The following WDR7 variants were observed in gnomAD, a reference collection of about 807,000 sequenced individuals.
WDR7 encodes WD repeat-containing protein 7.
In WDR7, 46 loss-of-function variants were observed where a neutral mutation model predicts 169.4. That is an observed-to-expected ratio of 0.27 (90% CI 0.21 to 0.35). WDR7 has a LOEUF of 0.35. Among genes scored for constraint, WDR7 ranks in the 10% least tolerant of loss-of-function variants. The pLI, the probability that WDR7 is intolerant of heterozygous loss-of-function variation, is 1.00. For missense variants in WDR7, 1,534 were observed against 1,859.3 expected, an observed-to-expected ratio of 0.83 and a Z score of 3.22; for synonymous variants, 612 against 666.8, an observed-to-expected ratio of 0.92 and a Z score of 1.27.
chr18:56,809,965 C>G (rs980183775), intron 19 of WDR7, among the ~76,000 whole-genome samples: 1 of 152,108 alleles, frequency 6.6e-6, no homozygotes, highest in Non-Finnish European at 1.5e-5. Flanking sequence ...TAACCCCTGG[C>G]AACCACTGAT....
intron 14 of WDR7, among the ~76,000 whole-genome samples, chr18:56,755,119 A>G (rs948128544): frequency 6.7e-6 from 1 of 149,012 alleles, no homozygotes; most frequent in Non-Finnish European, 1.5e-5. Context: ...TTTTGGCAAT[A>G]GTATTATTGC....
chr18:56,855,867 G>A (rs192725024), intron 20 of WDR7, among the ~76,000 whole-genome samples: 26 of 152,176 alleles, frequency 1.7e-4, no homozygotes, highest in Non-Finnish European at 2.8e-4. Flanking sequence ...TTCCACTTGT[G>A]CACCTGTTTC....
chr18:56,931,996 G>A (rs2046892281), intron 22 of WDR7, among the ~76,000 whole-genome samples: 1 of 152,100 alleles, frequency 6.6e-6, no homozygotes, highest in Non-Finnish European at 1.5e-5. Context: ...GGTAGAGAAG[G>A]CTACTTTTAA....
chr18:56,724,730 C>T (rs1266131132), intron 13 of WDR7, among the ~76,000 whole-genome samples: 1 of 151,356 alleles, frequency 6.6e-6, no homozygotes, highest in Non-Finnish European at 1.5e-5. Flanking sequence ...ATACATGTGC[C>T]ATGTTGGTGT....
chr18:56,793,278 A>T (rs1838741383), intron 19 of WDR7, among the ~76,000 whole-genome samples: 1 of 152,234 alleles, frequency 6.6e-6, no homozygotes, highest in South Asian at 2.1e-4. Context: ...ATTTGTTCTT[A>T]TATAACTGTC....
chr18:56,843,019 C>T (rs1382458642), intron 20 of WDR7, among the ~76,000 whole-genome samples: 1 of 152,034 alleles, frequency 6.6e-6, no homozygotes, highest in African/African-American at 2.4e-5. Context: ...TAAACTAGTG[C>T]TATAAGCAGC....
intron 16 of WDR7, among the ~76,000 whole-genome samples, chr18:56,763,069 T>A (rs1282543106): frequency 9.9e-5 from 15 of 152,068 alleles, no homozygotes. Flanking sequence ...CATGCTATTC[T>A]CCTGCCTCAG....
intron 19 of WDR7, among the ~76,000 whole-genome samples, chr18:56,808,092 G>A (rs956230121): frequency 3.3e-5 from 5 of 152,164 alleles, no homozygotes; most frequent in South Asian, 4.1e-4. Flanking sequence ...CTAGGGAACC[G>A]GCTGTGGATC....
chr18:57,010,470 TTA>T (rs2048121026), intron 26 of WDR7, among the ~76,000 whole-genome samples: 1 of 152,204 alleles, frequency 6.6e-6, no homozygotes, highest in Non-Finnish European at 1.5e-5. Flanking sequence ...ATGTTTTCAT[TTA>T]TGTCTTTAGG....
At chr18:56,753,704 G>A (rs907072201) in intron 14 of WDR7, among the ~76,000 whole-genome samples, 4 of 151,474 alleles carry the variant, frequency 2.6e-5, no homozygotes, top group Non-Finnish European at 5.9e-5. Flanking sequence ...GAATAATAGG[G>A]TGTCGATGGA....
Position 56,723,167 on chromosome 18 carries a change from C to T in WDR7, c.1774+5008C>T, listed in dbSNP as rs187075869. Reference sequence around the variant, plus strand: ...TTGCTAGTGTCATCCATATTGTTTTCGTGATTTTCACTCACTTGGAACATT... The same window carrying T: ...TTGCTAGTGTCATCCATATTGTTTTTGTGATTTTCACTCACTTGGAACATT... On this transcript the variant is annotated intron_variant, in intron 13 of 27. Coordinates refer to ENST00000254442, the MANE Select transcript of WDR7 (RefSeq NM_015285.3). 1.3e-3 allele frequency among the ~76,000 whole-genome samples: 203 copies of T among 151,324 alleles called. 1 individual carries two copies. The highest frequency in any genetic ancestry group is 4.4e-3 in the African/African-American group (183 of 41,302).
intron 25 of WDR7, among the ~76,000 whole-genome samples, chr18:56,946,320 G>A (rs1363532924): frequency 2.0e-5 from 3 of 152,180 alleles, no homozygotes; most frequent in African/African-American, 7.2e-5. Context: ...CCCCGTTATC[G>A]CAGGGCTGTC....
intron 20 of WDR7, among the ~76,000 whole-genome samples, chr18:56,841,824 G>T (rs144425146): frequency 1.3e-5 from 2 of 152,202 alleles, no homozygotes; most frequent in African/African-American, 4.8e-5. Flanking sequence ...GAGTTAGGAT[G>T]CTGGGGTTGA....
At chr18:56,963,620 T>C (rs985147193) in intron 26 of WDR7, among the ~76,000 whole-genome samples, 4 of 152,162 alleles carry the variant, frequency 2.6e-5, no homozygotes, top group African/African-American at 9.7e-5. Context: ...ATGTGCATTG[T>C]GCATTTTCTG....
At chr18:56,814,122 T>G (rs554904562) in intron 19 of WDR7, among the ~76,000 whole-genome samples, 1 of 152,318 alleles carries the variant, frequency 6.6e-6, no homozygotes, top group South Asian at 2.1e-4. Context: ...GTTCCTGAAT[T>G]TAGTAGCCAT....
In WDR7 at chr18:56,691,284, G is replaced by T. The variant is rs2025564256; in HGVS notation, c.786G>T (p.Gly262=). Residue 262 remains glycine (G), a synonymous_variant, in exon 8 of 28, where the codon GGG becomes GGT. Coordinates refer to ENST00000254442, the MANE Select transcript of WDR7 (RefSeq NM_015285.3). ...GTGAAAATGGACAGACATGGACCGG[G>T]GGGGACTTTGTCTCATCAGATAAAG... ...GPSENGQTWT[G]GDFVSSDKVI... 11 of 1,608,692 alleles carry T rather than the reference G, an allele frequency of 6.8e-6. No homozygotes were observed. The highest frequency in any genetic ancestry group is 1.1e-5 in the South Asian group (1 of 89,734).
chr18:56,702,680 A>G (rs2025859255), intron 12 of WDR7, among the ~76,000 whole-genome samples: 1 of 152,238 alleles, frequency 6.6e-6, no homozygotes, highest in Non-Finnish European at 1.5e-5. Context: ...TTTTAAAAAC[A>G]CAAATCCATA....
chr18:56,683,526 C>T (rs1195843378), intron 5 of WDR7, among the ~76,000 whole-genome samples: 2 of 152,128 alleles, frequency 1.3e-5, no homozygotes, highest in Non-Finnish European at 2.9e-5. Context: ...TAAATAACCA[C>T]CACCACTACC....
chr18:56,839,993 C>T (rs1053077278), intron 20 of WDR7, among the ~76,000 whole-genome samples: 1 of 152,222 alleles, frequency 6.6e-6, no homozygotes, highest in Non-Finnish European at 1.5e-5. Flanking sequence ...ACCCAGGAGG[C>T]GGATGTTGTG....
Sources: gnomAD v4.1 joint callset for allele counts (sites outside exome capture counted in the v4.1 genomes callset) on GRCh38, gnomAD v4.1.1 for gene constraint, MANE v1.5 for transcripts, NCBI Gene and HGNC (gene_info 2026-07-23, HGNC 2026-07-21) for gene names.